Variants in PRKD3 observed in about 807,000 individuals in gnomAD.
PRKD3 encodes the protein protein kinase D3.
A neutral mutation model predicts 99.2 loss-of-function variants in PRKD3; 47 were observed. The ratio of observed to expected loss-of-function variants is 0.47; its 90% confidence interval spans 0.38 to 0.60. PRKD3 has a LOEUF of 0.60. Among genes scored for constraint, PRKD3 ranks in the 20% least tolerant of loss-of-function variants. The probability of loss-of-function intolerance (pLI) is 0.00; values close to 1 mark genes in which losing one functional copy is unlikely to be tolerated. For synonymous variants in PRKD3, 392 were observed against 355.4 expected (o/e 1.10, Z -1.16); for missense variants, 1,019 against 1,088.4 (o/e 0.94, Z 0.90).
In PRKD3 at chr2:37,254,252, C is replaced by G. The variant is rs1349143176; in HGVS notation, c.2451G>C (p.Met817Ile). 2.5e-6 allele frequency: 4 copies of G among 1,613,494 alleles called. No individual in the cohort carries two copies. The highest frequency in any genetic ancestry group is 8.5e-7 in the Non-Finnish European group (1 of 1,179,466). ...ATTTGTCAACACTGTAACGTTTTCT[C>G]ATCTTCACTTGAAGCAGATTGTTTA... Reference protein sequence around the residue: ...DLINNLLQVKMRKRYSVDKSL... With the variant: ...DLINNLLQVKIRKRYSVDKSL... Residue 817 changes from methionine to isoleucine, a missense_variant, in exon 18 of 19, where the codon ATG becomes ATC. Transcript: ENST00000234179.
chr2:37,267,355 A>G, intron 14 of PRKD3, 75 bp downstream of exon 14: 1 of 1,094,202 alleles, frequency 9.1e-7, no homozygotes, highest in Non-Finnish European at 1.3e-6. Context: ...TTAAAAAAAA[A>G]AAAAAAAGAG....
chr2:37,287,922 A>G (rs1331170974), intron 5 of PRKD3, among the ~76,000 whole-genome samples: 1 of 152,208 alleles, frequency 6.6e-6, no homozygotes, highest in African/African-American at 2.4e-5. Flanking sequence ...TTTTGAGACT[A>G]TGCTTGAACT....
intron 17 of PRKD3, among the ~76,000 whole-genome samples, chr2:37,255,774 G>C (rs1451529475): frequency 6.6e-6 from 1 of 152,214 alleles, no homozygotes; most frequent in Non-Finnish European, 1.5e-5. Context: ...GGGAGGTCAA[G>C]TTGGGAAGAT....
chr2:37,279,365 T>G (rs1474513018), intron 8 of PRKD3: 1 of 156,032 alleles, frequency 6.4e-6, no homozygotes, highest in Non-Finnish European at 1.4e-5. Context: ...TATTCTTTAT[T>G]GCCATTTCTA....
chr2:37,268,610 A>G, intron 13 of PRKD3: 1 of 262,248 alleles, frequency 3.8e-6, no homozygotes. Flanking sequence ...TTTTTATTTG[A>G]TGGAGAAATA....
chr2:37,317,383 T>A (rs1057456150), intron 1 of PRKD3, among the ~76,000 whole-genome samples: 8 of 152,164 alleles, frequency 5.3e-5, no homozygotes, highest in Non-Finnish European at 1.2e-4. Flanking sequence ...TCGAAAAATA[T>A]CCTTGGCACT....
intron 2 of PRKD3, among the ~76,000 whole-genome samples, chr2:37,313,884 G>A (rs1214991558): frequency 6.6e-6 from 1 of 152,024 alleles, no homozygotes; most frequent in African/African-American, 2.4e-5. Context: ...ACTTGCCATG[G>A]GTTTATCAGG....
chr2:37,304,043 C>T (rs918181535), intron 2 of PRKD3, among the ~76,000 whole-genome samples: 2 of 151,766 alleles, frequency 1.3e-5, no homozygotes, highest in Admixed American at 1.3e-4. Flanking sequence ...CACTGAATAC[C>T]AACGTCATTT....
At chr2:37,288,678 G>A (rs1670235813) in intron 5 of PRKD3, among the ~76,000 whole-genome samples, 1 of 152,140 alleles carries the variant, frequency 6.6e-6, no homozygotes, top group Admixed American at 6.5e-5. Context: ...AATGAGATCT[G>A]GGTTTAATTC....
At chr2:37,276,310 G>C (rs879621231) in intron 9 of PRKD3, among the ~76,000 whole-genome samples, 46 of 152,024 alleles carry the variant, frequency 3.0e-4, no homozygotes, top group Non-Finnish European at 4.9e-4. Context: ...AGAGTCCCTA[G>C]TTACTCACAC....
At chr2:37,308,039 G>A (rs1013503576) in intron 2 of PRKD3, among the ~76,000 whole-genome samples, 4 of 152,050 alleles carry the variant, frequency 2.6e-5, no homozygotes, top group Non-Finnish European at 4.4e-5. Flanking sequence ...AACTTAACAC[G>A]ATACCTAAAC....
chr2:37,301,593 C>T (rs1655675696), intron 2 of PRKD3, among the ~76,000 whole-genome samples: 1 of 152,098 alleles, frequency 6.6e-6, no homozygotes, highest in Admixed American at 6.6e-5. Context: ...GTCACCTTTC[C>T]TGGCCCTTAA....
At chr2:37,315,266 G>A (rs866499109) in intron 2 of PRKD3, among the ~76,000 whole-genome samples, 60 of 152,032 alleles carry the variant, frequency 3.9e-4, no homozygotes, top group African/African-American at 1.0e-3. Context: ...CCATCAAATC[G>A]GGATTATTAA....
At position 37,270,366 on chromosome 2, in the gene PRKD3, A is replaced by AC. The variant is rs1402087213; in HGVS notation, c.1705-680_1705-679insG. On this transcript the variant is annotated intron_variant, in intron 12 of 18. Transcript: ENST00000234179. The stretch of plus-strand genomic sequence containing the variant: ...TTGATTTTTGGAAAAAAAAAAAAAA[A>AC]AACTCAAAAGTTCATATTACTGGGA... 4.6e-3 allele frequency among the ~76,000 whole-genome samples: 692 copies of AC among 151,758 alleles called. 9 individuals are homozygous for AC. The highest frequency in any genetic ancestry group is 0.015 in the African/African-American group (641 of 41,398).
At chr2:37,287,243 A>G (rs1411695885) in intron 5 of PRKD3, among the ~76,000 whole-genome samples, 1 of 55,734 alleles carries the variant, frequency 1.8e-5, no homozygotes, top group Non-Finnish European at 4.4e-5. Flanking sequence ...AAAAAAAAAA[A>G]AAAAAAAAAA....
chr2:37,277,871 T>C lies in PRKD3; in HGVS notation c.1291A>G (p.Asn431Asp), dbSNP rs760963725. 23 of 1,613,054 alleles carry C rather than the reference T, an allele frequency of 1.4e-5. No individual in the cohort carries two copies. The highest frequency in any genetic ancestry group is 1.9e-5 in the Non-Finnish European group (23 of 1,179,568). ...AAATGTATTTGATTACTGACCAGGT[T>C]ATCCCTGCTGGTGTAATGGACCATC... is the stretch of plus-strand genomic sequence containing the variant. ...GWMVHYTSRDNLRKRHYWRLD... is the reference protein window; with the variant it reads ...GWMVHYTSRDDLRKRHYWRLD... The change falls in exon 9 of 19, where the codon AAC becomes GAC. Residue 431 changes from asparagine to aspartate, a missense_variant. Transcript: ENST00000234179.
intron 4 of PRKD3, among the ~76,000 whole-genome samples, chr2:37,289,751 C>A (rs1670307846): frequency 6.6e-6 from 1 of 152,220 alleles, no homozygotes; most frequent in Non-Finnish European, 1.5e-5. Flanking sequence ...CCTAAGGCAA[C>A]CACCTGGAAA....
chr2:37,280,086 CTT>C (rs1669781366), intron 7 of PRKD3, among the ~76,000 whole-genome samples, 157 bp from the exon 8 acceptor site: 1 of 148,504 alleles, frequency 6.7e-6, no homozygotes, highest in Non-Finnish European at 1.5e-5. Context: ...GAGTTTCACT[CTT>C]GTCACCCAGG....
chr2:37,309,846 CAAAAAA>C (rs33959650), intron 2 of PRKD3, among the ~76,000 whole-genome samples: 1 of 98,422 alleles, frequency 1.0e-5, no homozygotes, highest in Non-Finnish European at 2.0e-5. Flanking sequence ...GACTCCGTCT[CAAAAAA>C]AAAAAAAAAA....
Sources: allele counts gnomAD v4.1 joint callset (sites outside exome capture counted in the v4.1 genomes callset), GRCh38; gene constraint gnomAD v4.1.1; transcripts MANE v1.5; gene names NCBI Gene and HGNC (gene_info 2026-07-23, HGNC 2026-07-21).